CSMD3: variants seen among roughly 807,000 people sequenced by gnomAD.
CSMD3 encodes the protein CUB and Sushi multiple domains 3, also known as CUB and sushi domain-containing protein 3.
Under a neutral mutation model 435.2 loss-of-function variants are expected in CSMD3, and 177 were observed. The observed-to-expected ratio is 0.41, with a 90% CI of 0.36 to 0.46. CSMD3 has a LOEUF of 0.46. CSMD3 is among the 20% of genes least tolerant of loss of function. CSMD3 has a pLI of 0.34. For missense variants in CSMD3, 4,265 were observed against 4,504.6 expected, an observed-to-expected ratio of 0.95 and a Z score of 1.52; for synonymous variants, 1,656 against 1,520.5, an observed-to-expected ratio of 1.09 and a Z score of -2.07.
At chr8:113,263,002 A>G (rs1222389245) in intron 3 of CSMD3, among the ~76,000 whole-genome samples, 1 of 152,124 alleles carries the variant, frequency 6.6e-6, no homozygotes, top group African/African-American at 2.4e-5. Flanking sequence ...GAGAATGATC[A>G]TTTTTTAAAG....
intron 17 of CSMD3, among the ~76,000 whole-genome samples, chr8:112,661,763 C>A (rs963247651): frequency 6.6e-6 from 1 of 151,812 alleles, no homozygotes; most frequent in Non-Finnish European, 1.5e-5. Context: ...CAGTTTCAGT[C>A]AGCTAGAAGG....
At chr8:113,156,887 G>A (rs144547955) in intron 4 of CSMD3, among the ~76,000 whole-genome samples, 246 of 151,724 alleles carry the variant, frequency 1.6e-3, no homozygotes, top group African/African-American at 5.6e-3. Context: ...AGCCTTTATC[G>A]GGCCACTTCA....
chr8:112,574,507 G>A (rs772536154), intron 23 of CSMD3, among the ~76,000 whole-genome samples: 14 of 151,860 alleles, frequency 9.2e-5, no homozygotes, highest in African/African-American at 1.2e-4. Context: ...CTAGAAATAC[G>A]GGATATGAAA....
chr8:113,117,593 C>T (rs2090870537), intron 4 of CSMD3, among the ~76,000 whole-genome samples: 1 of 152,206 alleles, frequency 6.6e-6, no homozygotes, highest in East Asian at 1.9e-4. Context: ...ATCCTCCAGA[C>T]TCCAGAATGG....
chr8:112,827,039 T>C (rs991109), intron 12 of CSMD3, among the ~76,000 whole-genome samples: 2,962 of 151,160 alleles, frequency 0.02, 96 homozygotes, highest in African/African-American at 0.068. Flanking sequence ...TTTTTAACAT[T>C]AGGGATTGTA....
chr8:112,871,249 C>G (rs925892648), intron 10 of CSMD3, among the ~76,000 whole-genome samples: 1 of 152,106 alleles, frequency 6.6e-6, no homozygotes, highest in Non-Finnish European at 1.5e-5. Flanking sequence ...TGAAATGGCT[C>G]AGGATAGTAA....
chr8:112,775,189 ATATAT>A (rs775446402), intron 13 of CSMD3, among the ~76,000 whole-genome samples: 89 of 151,644 alleles, frequency 5.9e-4, no homozygotes, highest in Non-Finnish European at 1.1e-3. Flanking sequence ...TTATTATATG[ATATAT>A]TATCATAATA....
intron 1 of CSMD3, among the ~76,000 whole-genome samples, chr8:113,351,696 A>AAGTCTT (rs2094191441): frequency 6.6e-6 from 1 of 152,142 alleles, no homozygotes; most frequent in Non-Finnish European, 1.5e-5. Context: ...TGCTTTGCAG[A>AAGTCTT]TATTATCTAG....
intron 31 of CSMD3, among the ~76,000 whole-genome samples, chr8:112,491,509 G>A (rs1820690018): frequency 6.6e-6 from 1 of 151,972 alleles, no homozygotes; most frequent in Admixed American, 6.6e-5. Flanking sequence ...AATTATCTGG[G>A]TGTGGTGGTG....
chr8:113,297,425 C>T lies in CSMD3; in HGVS notation c.401+17146G>A, dbSNP rs2093730893. Reference sequence around the variant, plus strand: ...TCATAGAAAACATCAAAGTTAACCACGAGAACTGAAATATGAAAAATTTAC... The same window carrying T: ...TCATAGAAAACATCAAAGTTAACCATGAGAACTGAAATATGAAAAATTTAC... On this transcript the variant is annotated intron_variant, in intron 2 of 70. Transcript: ENST00000297405. Among the ~76,000 whole-genome samples, 5 of 151,816 alleles carry T rather than the reference C, an allele frequency of 3.3e-5. No homozygotes were observed. The South Asian group carries it at 1.0e-3, about 32-fold the overall frequency.
chr8:112,833,597 A>AT (rs1472401263), intron 11 of CSMD3, among the ~76,000 whole-genome samples: 1 of 151,956 alleles, frequency 6.6e-6, no homozygotes, highest in Non-Finnish European at 1.5e-5. Context: ...ACTTTCTTGG[A>AT]TATCTGGTAA....
chr8:112,388,758 T>A (rs868846303), intron 36 of CSMD3, among the ~76,000 whole-genome samples: 3 of 152,134 alleles, frequency 2.0e-5, no homozygotes, highest in Admixed American at 1.3e-4. Flanking sequence ...AAAATATGTT[T>A]TCTGATTATC....
intron 2 of CSMD3, chr8:113,312,608 T>G (rs146583923): frequency 6.6e-6 from 1 of 152,174 alleles, no homozygotes; most frequent in African/African-American, 2.4e-5. Flanking sequence ...AATAGGTACA[T>G]GTACAAGCAT....
At chr8:113,128,423 G>T (rs2091197712) in intron 4 of CSMD3, among the ~76,000 whole-genome samples, 1 of 151,748 alleles carries the variant, frequency 6.6e-6, no homozygotes, top group African/African-American at 2.4e-5. Context: ...TTGTATACCA[G>T]ATTGTATACT....
intron 32 of CSMD3, among the ~76,000 whole-genome samples, chr8:112,431,064 A>C (rs1209837686): frequency 6.9e-6 from 1 of 145,004 alleles, no homozygotes; most frequent in Non-Finnish European, 1.6e-5. Context: ...TATTGTTGTC[A>C]AGTCATTCCC....
intron 10 of CSMD3, among the ~76,000 whole-genome samples, chr8:112,902,452 T>C (rs764213136): frequency 1.3e-5 from 2 of 151,264 alleles, no homozygotes; most frequent in Non-Finnish European, 3.0e-5. Flanking sequence ...ATGGCAGCTT[T>C]TCCTTTGAGG....
intron 29 of CSMD3, among the ~76,000 whole-genome samples, chr8:112,506,167 T>C (rs1466026293): frequency 1.3e-5 from 2 of 152,136 alleles, no homozygotes; most frequent in Non-Finnish European, 2.9e-5. Context: ...AAATTTTATT[T>C]ATTTACAATT....
At chr8:112,954,644 T>C (rs368891036) in intron 8 of CSMD3, 40 bp downstream of exon 8, 157 of 1,283,224 alleles carry the variant, frequency 1.2e-4, no homozygotes, top group Middle Eastern at 1.8e-4. Flanking sequence ...CAAACTTCAC[T>C]CTTGCACTAG....
At chr8:113,095,382 A>G (rs2090132796) in intron 5 of CSMD3, among the ~76,000 whole-genome samples, 1 of 152,182 alleles carries the variant, frequency 6.6e-6, no homozygotes, top group African/African-American at 2.4e-5. Context: ...ACTTATTTAT[A>G]GTAATTGCCT....
Sources: allele counts gnomAD v4.1 joint callset (sites outside exome capture counted in the v4.1 genomes callset), GRCh38; gene constraint gnomAD v4.1.1; transcripts MANE v1.5; gene names NCBI Gene and HGNC (gene_info 2026-07-23, HGNC 2026-07-21).